RNF216: variants seen among roughly 807,000 people sequenced by gnomAD.
The protein encoded by RNF216 is ring finger protein 216, also known as E3 ubiquitin-protein ligase RNF216.
In RNF216, 72 loss-of-function variants were observed where a neutral mutation model predicts 110.8. That is an observed-to-expected ratio of 0.65 (90% CI 0.54 to 0.79). The LOEUF (loss-of-function observed/expected upper bound fraction) is 0.79, where lower values mean the gene tolerates loss of function less well. Ranked by LOEUF, RNF216 falls within the 30% of genes least tolerant of loss-of-function variation. The pLI is 0.00. For synonymous variants in RNF216, 495 were observed against 407.5 expected, an observed-to-expected ratio of 1.21 and a Z score of -2.59; for missense variants, 1,342 against 1,141.2, an observed-to-expected ratio of 1.18 and a Z score of -2.54.
intron 5 of RNF216, among the ~76,000 whole-genome samples, chr7:5,736,876 C>T (rs918576679): frequency 1.3e-5 from 2 of 151,666 alleles, no homozygotes; most frequent in African/African-American, 4.9e-5. Flanking sequence ...AGGAGCCCCT[C>T]CGCCCGGCAG....
intron 12 of RNF216, 88 bp from the exon 13 acceptor site, chr7:5,711,927 G>C (rs781608372): frequency 8.5e-7 from 1 of 1,176,900 alleles, no homozygotes; most frequent in Admixed American, 2.0e-5. Flanking sequence ...TATGAAGATG[G>C]AGTTTTGAGC....
At position 5,620,956 on chromosome 7, in the gene RNF216, T is replaced by C. The variant is rs758838369; in HGVS notation, c.*1904A>G. Reference sequence around the variant, plus strand: ...AGCATATTTAAGGTACCGAAGACAATCCTGTTGCTGCCGCATGGAGCCTGC... The same window carrying C: ...AGCATATTTAAGGTACCGAAGACAACCCTGTTGCTGCCGCATGGAGCCTGC... On this transcript the variant is annotated 3_prime_UTR_variant, in exon 17 of 17. Coordinates refer to ENST00000389902, the MANE Select transcript of RNF216 (RefSeq NM_207111.4). The C allele has an allele frequency of 4.6e-5, 7 of 152,290 alleles. No homozygotes were observed. The highest frequency in any genetic ancestry group is 1.0e-4 in the Non-Finnish European group (7 of 68,042). 9.4% of individuals were successfully genotyped at this position (152,290 alleles called of 1,614,324 possible).
At chr7:5,711,907 T>C in intron 12 of RNF216, 68 bp from the exon 13 acceptor site, 3 of 1,386,244 alleles carry the variant, frequency 2.2e-6, no homozygotes, top group Non-Finnish European at 3.0e-6. Context: ...CAGCTCCATG[T>C]GGCTGTTCAT....
intron 1 of RNF216, among the ~76,000 whole-genome samples, chr7:5,777,898 T>C (rs982075040): frequency 2.0e-5 from 3 of 152,168 alleles, no homozygotes; most frequent in African/African-American, 7.2e-5. Flanking sequence ...TCTTCAACTG[T>C]CCAATGAAAA....
In RNF216 at chr7:5,725,392, G is replaced by T. The variant is rs762125060; in HGVS notation, c.1436C>A (p.Thr479Asn). ...TTTTCTCTTCTTCCTTTTTCCACTGGTTTCTGGTGACAGCTCCTGCCATTT... is the reference window on the plus strand; with the variant it reads ...TTTTCTCTTCTTCCTTTTTCCACTGTTTTCTGGTGACAGCTCCTGCCATTT... ...IKKWQELSPETSGKRKKRKQM... is the reference protein window; with the variant it reads ...IKKWQELSPENSGKRKKRKQM... Residue 479 changes from threonine to asparagine, a missense_variant, in exon 8 of 17, where the codon ACC becomes AAC. Coordinates refer to ENST00000389902, the MANE Select transcript of RNF216 (RefSeq NM_207111.4). The T allele has an allele frequency of 6.2e-7, 1 of 1,613,830 alleles. No homozygotes were observed.
In RNF216 at chr7:5,741,721, G is replaced by C. The variant is rs755622565; in HGVS notation, c.296C>G (p.Ser99Cys). ...CTTATCTGATTCAAATGCTGCTCTAGACTTTTTAGGCCTTTCTTCTCCCAA... is the reference window on the plus strand; with the variant it reads ...CTTATCTGATTCAAATGCTGCTCTACACTTTTTAGGCCTTTCTTCTCCCAA... ...KRLGEERPKK[S>C]RAAFESDKSS... The change falls in exon 4 of 17, where the codon TCT becomes TGT. Residue 99 changes from serine (S) to cysteine (C), a missense_variant. Transcript: ENST00000389902. The C allele has an allele frequency of 1.2e-6, 2 of 1,614,068 alleles. No individual in the cohort carries two copies. The highest frequency in any genetic ancestry group is 1.3e-5 in the African/African-American group (1 of 74,916).
intron 15 of RNF216, among the ~76,000 whole-genome samples, chr7:5,628,096 G>C (rs1350544948): frequency 6.6e-6 from 1 of 152,126 alleles, no homozygotes; most frequent in Non-Finnish European, 1.5e-5. Context: ...GGAAGAGGGA[G>C]CCTCAGAGTC....
chr7:5,755,499 G>A (rs1245160976), intron 2 of RNF216, among the ~76,000 whole-genome samples: 1 of 152,208 alleles, frequency 6.6e-6, no homozygotes, highest in East Asian at 1.9e-4. Context: ...GCCCCCTTGT[G>A]CTTTCTCCCA....
intron 15 of RNF216, 51 bp downstream of exon 15, chr7:5,641,103 A>G: frequency 1.5e-6 from 2 of 1,371,898 alleles, no homozygotes; most frequent in South Asian, 1.2e-5. Context: ...TCATAAAAAT[A>G]TATTTCTATT....
At chr7:5,729,132 A>G (rs534628429) in intron 7 of RNF216, among the ~76,000 whole-genome samples, 1 of 152,212 alleles carries the variant, frequency 6.6e-6, no homozygotes, top group East Asian at 1.9e-4. Context: ...CAAGTTGGAA[A>G]GCAAATCAGG....
At chr7:5,692,359 T>G (rs939748567) in intron 13 of RNF216, among the ~76,000 whole-genome samples, 6 of 152,220 alleles carry the variant, frequency 3.9e-5, no homozygotes, top group African/African-American at 1.4e-4. Flanking sequence ...AAGCAGACAT[T>G]TTTAAAAAGC....
Position 5,741,668 on chromosome 7 carries a change from G to A in RNF216, c.349C>T (p.Pro117Ser). The change falls in exon 4 of 17, where the codon CCA becomes TCA. Residue 117 changes from proline to serine, a missense_variant. Coordinates refer to ENST00000389902, the MANE Select transcript of RNF216 (RefSeq NM_207111.4). ...TCCTGTGCCCCAGAATCAAACAATG[G>A]GTTGTTACACACTGAAAAATAGCTG... ...KSSYFSVCNN[P>S]LFDSGAQDDS... 1 of 1,614,036 alleles carries A rather than the reference G, an allele frequency of 6.2e-7. No individual in the cohort carries two copies. Among genetic ancestry groups the A allele is most frequent in the Non-Finnish European group, 8.5e-7 (1 of 1,180,014 alleles).
intron 15 of RNF216, among the ~76,000 whole-genome samples, chr7:5,630,311 C>A (rs1193755243): frequency 6.6e-6 from 1 of 152,114 alleles, no homozygotes; most frequent in South Asian, 2.1e-4. Context: ...ATATGCAGCT[C>A]TACCCCCACT....
chr7:5,762,768 G>A (rs1173274510), intron 1 of RNF216, among the ~76,000 whole-genome samples: 1 of 152,102 alleles, frequency 6.6e-6, no homozygotes, highest in Non-Finnish European at 1.5e-5. Flanking sequence ...TCAGGACAGT[G>A]ACTATTTCTG....
At chr7:5,746,602 T>C (rs1055649027) in intron 3 of RNF216, among the ~76,000 whole-genome samples, 5 of 152,064 alleles carry the variant, frequency 3.3e-5, no homozygotes, top group Admixed American at 6.6e-5. Context: ...TGCAAAGTGA[T>C]TGGCTAGGTA....
chr7:5,634,350 T>A (rs973933773), intron 15 of RNF216, among the ~76,000 whole-genome samples: 3 of 152,246 alleles, frequency 2.0e-5, no homozygotes, highest in Non-Finnish European at 2.9e-5. Context: ...TGGCCACAGC[T>A]GTTGTTAATA....
chr7:5,774,433 T>C (rs184012041), intron 1 of RNF216, among the ~76,000 whole-genome samples: 8 of 152,300 alleles, frequency 5.3e-5, no homozygotes, highest in African/African-American at 1.7e-4. Context: ...AGGGAGAACC[T>C]ACCTCCAAAA....
intron 2 of RNF216, 93 bp from the exon 3 acceptor site, chr7:5,753,072 A>C (rs1795418147): frequency 4.6e-6 from 6 of 1,311,676 alleles, no homozygotes; most frequent in Non-Finnish European, 6.2e-6. Flanking sequence ...GCCTAAAGCC[A>C]ACTTCATGGC....
chr7:5,707,773 G>A (rs987058390), intron 13 of RNF216, among the ~76,000 whole-genome samples: 10 of 146,048 alleles, frequency 6.8e-5, no homozygotes, highest in Non-Finnish European at 1.0e-4. Context: ...GCCCAGGCTG[G>A]AGTACAGCGG....
Sources: allele counts gnomAD v4.1 joint callset (sites outside exome capture counted in the v4.1 genomes callset), GRCh38; gene constraint gnomAD v4.1.1; transcripts MANE v1.5; gene names NCBI Gene and HGNC (gene_info 2026-07-23, HGNC 2026-07-21).